Variants in TMEM108 observed in about 807,000 individuals in gnomAD.
TMEM108 encodes the protein cancer/testis antigen 124.
In TMEM108, 12 loss-of-function variants were observed where a neutral mutation model predicts 35.1. The ratio of observed to expected loss-of-function variants is 0.34; its 90% CI spans 0.22 to 0.55. The LOEUF is 0.55. TMEM108 is among the 20% of genes least tolerant of loss of function. The pLI, the probability that TMEM108 is intolerant of heterozygous loss-of-function variation, is 0.89. For synonymous variants in TMEM108, 287 were observed against 308.6 expected, an observed-to-expected ratio of 0.93 and a Z score of 0.73; for missense variants, 680 against 753.3, an observed-to-expected ratio of 0.90 and a Z score of 1.14.
At chr3:133,185,457 C>CG (rs61251464) in intron 2 of TMEM108, among the ~76,000 whole-genome samples, 1 of 150,220 alleles carries the variant, frequency 6.7e-6, no homozygotes, top group East Asian at 1.9e-4. Context: ...TGTCCAGTAC[C>CG]TACAGGCTTC....
intron 2 of TMEM108, among the ~76,000 whole-genome samples, chr3:133,104,786 G>A (rs1944129396): frequency 1.3e-5 from 2 of 152,118 alleles, no homozygotes; most frequent in Non-Finnish European, 1.5e-5. Context: ...CCTGTAAGAC[G>A]GCCTCCATTC....
chr3:133,386,303 T>C (rs940367853), intron 4 of TMEM108: 51 of 1,128,132 alleles, frequency 4.5e-5, no homozygotes, highest in Middle Eastern at 3.8e-4. Context: ...ATTCATCTTA[T>C]TGTTTTTAAG....
intron 3 of TMEM108, among the ~76,000 whole-genome samples, chr3:133,276,907 C>T (rs1408624147): frequency 1.3e-5 from 2 of 152,150 alleles, no homozygotes; most frequent in African/African-American, 2.4e-5. Context: ...TCAGCAGAAG[C>T]AGGTGGCAAA....
chr3:133,379,712 C>G, intron 3 of TMEM108, 40 bp from the exon 4 acceptor site: 3 of 1,587,558 alleles, frequency 1.9e-6, no homozygotes, highest in Non-Finnish European at 2.6e-6. Flanking sequence ...GTATGCTGCT[C>G]CCCAAGTATT....
At chr3:133,135,157 GTT>G (rs77437437) in intron 2 of TMEM108, among the ~76,000 whole-genome samples, 10,288 of 142,670 alleles carry the variant, frequency 0.072, 1,101 homozygotes, top group African/African-American at 0.24. Context: ...ATCTGCTATC[GTT>G]TTTTTTTTTT....
chr3:133,129,345 C>A (rs912570565), intron 2 of TMEM108, among the ~76,000 whole-genome samples: 7 of 110,850 alleles, frequency 6.3e-5, no homozygotes, highest in Non-Finnish European at 1.2e-4. Context: ...ACTCCGCACC[C>A]ACACCCCCCC....
intron 3 of TMEM108, among the ~76,000 whole-genome samples, chr3:133,271,742 G>A (rs1258870963): frequency 1.3e-5 from 2 of 152,106 alleles, no homozygotes; most frequent in Non-Finnish European, 2.9e-5. Context: ...AAACTGTCAT[G>A]AGCCAGCCCC....
intron 3 of TMEM108, among the ~76,000 whole-genome samples, chr3:133,235,428 G>A (rs1264311563): frequency 1.3e-5 from 2 of 152,134 alleles, no homozygotes; most frequent in East Asian, 3.9e-4. Context: ...GAACAGAAGA[G>A]AGCCCTCAGA....
rs147991514 is a variant in TMEM108 at position 133,274,568 on chromosome 3, T to A, written c.40+45217T>A. Among the ~76,000 whole-genome samples the A allele has an allele frequency of 4.1e-4, 63 of 152,294 alleles. 1 individual carries two copies. In the East Asian group the frequency reaches 4.6e-3, roughly 11 times the overall value. ...TGACTTTGTTTTGTCCCCCAAAGTGTTTCATTCTTTTTCCCTTGTAGATTT... is the reference window on the plus strand; with the variant it reads ...TGACTTTGTTTTGTCCCCCAAAGTGATTCATTCTTTTTCCCTTGTAGATTT... On this transcript the variant is annotated intron_variant, in intron 3 of 5. Transcript: ENST00000321871.
At chr3:133,058,496 G>A (rs1260343775) in intron 2 of TMEM108, among the ~76,000 whole-genome samples, 1 of 152,218 alleles carries the variant, frequency 6.6e-6, no homozygotes, top group Non-Finnish European at 1.5e-5. Context: ...TCTGTCTAGG[G>A]TTCCCTTCCT....
At chr3:133,336,659 A>C (rs2071511463) in intron 3 of TMEM108, among the ~76,000 whole-genome samples, 1 of 151,908 alleles carries the variant, frequency 6.6e-6, no homozygotes, top group African/African-American at 2.4e-5. Context: ...TGCTTGAGAA[A>C]AGTGGAGGGA....
chr3:133,181,008 T>TAAAAAAAAAAAAAAAAAA lies in TMEM108; in HGVS notation c.-46-48245_-46-48228dup, dbSNP rs369228472. 1.6e-3 allele frequency among the ~76,000 whole-genome samples: 118 copies of TAAAAAAAAAAAAAAAAAA among 75,842 alleles called. 13 individuals are homozygous for TAAAAAAAAAAAAAAAAAA. The highest frequency in any genetic ancestry group is 2.4e-3 in the Non-Finnish European group (98 of 40,156). The allele number at this position is 75,842 out of a possible 152,430, so 49.8% of individuals were successfully genotyped here. ...TGTACTGGCTATTGGGCAGTTGTGT[T>TAAAAAAAAAAAAAAAAAA]AAAAAAAAAAAAAAAAAAAAAAAAA... On this transcript the variant is annotated intron_variant, in intron 2 of 5. Coordinates refer to ENST00000321871, the MANE Select transcript of TMEM108 (RefSeq NM_023943.4).
At chr3:133,314,825 G>C (rs923804716) in intron 3 of TMEM108, among the ~76,000 whole-genome samples, 1 of 152,136 alleles carries the variant, frequency 6.6e-6, no homozygotes, top group African/African-American at 2.4e-5. Context: ...AACACCAAAA[G>C]CTTATTACTA....
chr3:133,101,946 CCTCA>C lies in TMEM108; in HGVS notation c.-47+55930_-47+55933del, dbSNP rs200638318. ...TTTATTTTCCAGTCTTGTATGGCTG[CCTCA>C]CTCCTAATTTGACAGTAATTTTTTG... On this transcript the variant is annotated intron_variant, in intron 2 of 5. Coordinates refer to ENST00000321871, the MANE Select transcript of TMEM108 (RefSeq NM_023943.4). Among the ~76,000 whole-genome samples the C allele has an allele frequency of 4.7e-3, 718 of 152,302 alleles. 2 individuals carry two copies. Among genetic ancestry groups the C allele is most frequent in the Non-Finnish European group, 7.9e-3 (538 of 68,020 alleles).
chr3:133,355,025 A>G (rs1200816819), intron 3 of TMEM108, among the ~76,000 whole-genome samples: 4 of 152,184 alleles, frequency 2.6e-5, no homozygotes, highest in Non-Finnish European at 5.9e-5. Context: ...GTGTAAAGAT[A>G]CAGTTTTGTG....
At chr3:133,133,129 T>C (rs548286327) in intron 2 of TMEM108, among the ~76,000 whole-genome samples, 7 of 149,304 alleles carry the variant, frequency 4.7e-5, no homozygotes, top group Non-Finnish European at 7.4e-5. Flanking sequence ...CAACAAAGGA[T>C]TTAAAATATT....
intron 2 of TMEM108, among the ~76,000 whole-genome samples, chr3:133,170,794 A>T (rs1945119548): frequency 6.6e-6 from 1 of 152,196 alleles, no homozygotes; most frequent in Non-Finnish European, 1.5e-5. Flanking sequence ...CTAGGAATAG[A>T]TGCCTTCAAA....
At chr3:133,263,943 C>T (rs1376672429) in intron 3 of TMEM108, among the ~76,000 whole-genome samples, 1 of 152,066 alleles carries the variant, frequency 6.6e-6, no homozygotes, top group East Asian at 1.9e-4. Flanking sequence ...AATCATTTTC[C>T]AGCTCAGAGG....
intron 2 of TMEM108, among the ~76,000 whole-genome samples, chr3:133,192,056 A>G (rs754043551): frequency 6.6e-6 from 1 of 151,998 alleles, no homozygotes; most frequent in East Asian, 1.9e-4. Context: ...CCAGCTGGCT[A>G]TTTTGCTGAG....
Sources: gnomAD v4.1 joint callset for allele counts (sites outside exome capture counted in the v4.1 genomes callset) on GRCh38, gnomAD v4.1.1 for gene constraint, MANE v1.5 for transcripts, NCBI Gene and HGNC (gene_info 2026-07-23, HGNC 2026-07-21) for gene names.